CYSLTR2: variants seen among roughly 807,000 people sequenced by gnomAD.
The protein encoded by CYSLTR2 is G-protein coupled receptor GPCR21.
For missense variants in CYSLTR2, 398 were observed against 411.9 expected (o/e 0.97, Z 0.29); for synonymous variants, 179 against 160.8 (o/e 1.11, Z -0.86).
chr13:48,707,016 T>G lies in CYSLTR2; in HGVS notation c.199T>G (p.Tyr67Asp), dbSNP rs193077727. 1.1e-5 allele frequency: 18 copies of G among 1,614,026 alleles called. No homozygotes were observed. Among genetic ancestry groups the G allele is most frequent in the Non-Finnish European group, 1.4e-5 (17 of 1,180,048 alleles). ...GTCCATATATGTTTTCCTGCAGCCTTATAAGAAGTCCACATCTGTGAACGT... is the reference window on the plus strand; with the variant it reads ...GTCCATATATGTTTTCCTGCAGCCTGATAAGAAGTCCACATCTGTGAACGT... ...GLSIYVFLQP[Y>D]KKSTSVNVFM... is the part of the protein sequence containing the mutation. The change falls in exon 5 of 5, where the codon TAT (tyrosine) becomes GAT (aspartate). Residue 67 changes from tyrosine (Y) to aspartate (D), a missense_variant. By Grantham distance (160) the Tyr-to-Asp change is radical. Coordinates refer to ENST00000682523, the MANE Select transcript of CYSLTR2 (RefSeq NM_001308476.3).
In CYSLTR2 at chr13:48,707,426, T is replaced by A. The variant is rs761383064; in HGVS notation, c.609T>A (p.Tyr203Ter). Reference sequence around the variant, plus strand: ...TTGCTAAGCTGCAGACCATGAACTATATTGCCTTGGTGGTGGGCTGCCTGC... The same window carrying A: ...TTGCTAAGCTGCAGACCATGAACTAAATTGCCTTGGTGGTGGGCTGCCTGC... ...YKIAKLQTMNYIALVVGCLLP... is the reference protein window; with the variant it reads ...YKIAKLQTMN Residue 203 changes from tyrosine (Y) to a stop codon, truncating the protein, a stop_gained, in exon 5 of 5, where the codon TAT (tyrosine) becomes TAA (stop). Coordinates refer to ENST00000682523, the MANE Select transcript of CYSLTR2 (RefSeq NM_001308476.3). LOFTEE classifies it low-confidence loss of function (END_TRUNC). The A allele has an allele frequency of 3.7e-6, 6 of 1,614,182 alleles. No homozygotes were observed. The highest frequency in any genetic ancestry group is 5.1e-6 in the Non-Finnish European group (6 of 1,180,032).
At position 48,707,168 on chromosome 13, in the gene CYSLTR2, C is replaced by T. The variant is rs748206254; in HGVS notation, c.351C>T (p.Ser117=). ...GDLACRIMSY[S]LYVNMYSSIY... ...TGGCCTGCAGGATTATGTCTTATTC[C>T]TTGTATGTCAACATGTACAGCAGTA... Residue 117 remains serine, a synonymous_variant, in exon 5 of 5, where the codon TCC becomes TCT. Transcript: ENST00000682523. 5 of 1,614,148 alleles carry T rather than the reference C, an allele frequency of 3.1e-6. No homozygotes were observed. The highest frequency in any genetic ancestry group is 4.2e-6 in the Non-Finnish European group (5 of 1,180,034).
intron 1 of CYSLTR2, among the ~76,000 whole-genome samples, chr13:48,657,291 AGTT>A (rs1566077987): frequency 6.6e-6 from 1 of 152,190 alleles, no homozygotes; most frequent in East Asian, 1.9e-4. Context: ...AAAGAAATCT[AGTT>A]ATTATTCGAG....
At chr13:48,664,112 G>GTGA (rs771770474) in intron 1 of CYSLTR2, among the ~76,000 whole-genome samples, 4 of 151,958 alleles carry the variant, frequency 2.6e-5, no homozygotes, top group Non-Finnish European at 4.4e-5. Flanking sequence ...CTCTATTGAT[G>GTGA]TGATGTATGA....
chr13:48,703,602 A>G (rs1362596329), intron 4 of CYSLTR2, among the ~76,000 whole-genome samples: 1 of 152,154 alleles, frequency 6.6e-6, no homozygotes, highest in Non-Finnish European at 1.5e-5. Context: ...AATTCTTTTC[A>G]TATATTGCTA....
At chr13:48,664,928 T>C (rs1291950067) in intron 1 of CYSLTR2, among the ~76,000 whole-genome samples, 1 of 152,092 alleles carries the variant, frequency 6.6e-6, no homozygotes, top group Non-Finnish European at 1.5e-5. Flanking sequence ...TCTTTTTAAT[T>C]TCTAATGTAG....
Position 48,707,895 on chromosome 13 carries a change from GTCCATCTTCATTCAC to G in CYSLTR2, c.*40_*54del. The G allele has an allele frequency of 6.9e-7, 1 of 1,459,762 alleles. No homozygotes were observed. Among genetic ancestry groups the G allele is most frequent in the Non-Finnish European group, 9.1e-7 (1 of 1,094,118 alleles). 90.4% of individuals were successfully genotyped at this position (1,459,762 alleles called of 1,614,324 possible). ...ATGAGACCTGTTCTTGTATCCTTGTGTCCATCTTCATTCACTCATAGTCTCCAAATGACTTTGTAT... is the reference window on the plus strand; with the variant it reads ...ATGAGACCTGTTCTTGTATCCTTGTGTCATAGTCTCCAAATGACTTTGTAT... On this transcript the variant is annotated 3_prime_UTR_variant, in exon 5 of 5. Transcript: ENST00000682523.
At chr13:48,686,659 A>G (rs772738126) in intron 1 of CYSLTR2, among the ~76,000 whole-genome samples, 17 of 152,180 alleles carry the variant, frequency 1.1e-4, no homozygotes, top group Non-Finnish European at 2.2e-4. Flanking sequence ...TGCAGCAAGA[A>G]GTGGTTAGCA....
At chr13:48,654,208 C>A (rs1296587024) in intron 1 of CYSLTR2, among the ~76,000 whole-genome samples, 191 bp downstream of exon 1, 1 of 151,016 alleles carries the variant, frequency 6.6e-6, no homozygotes, top group African/African-American at 2.4e-5. Context: ...AAGCCAAATT[C>A]TCCACCAAAA....
intron 1 of CYSLTR2, among the ~76,000 whole-genome samples, chr13:48,668,529 C>T (rs1278022203): frequency 2.6e-5 from 4 of 152,054 alleles, no homozygotes; most frequent in Non-Finnish European, 5.9e-5. Flanking sequence ...ACATGCATTA[C>T]TATATTTGCT....
chr13:48,666,388 T>A (rs920166185), intron 1 of CYSLTR2, among the ~76,000 whole-genome samples: 1 of 152,156 alleles, frequency 6.6e-6, no homozygotes, highest in African/African-American at 2.4e-5. Context: ...AGGATCTTTT[T>A]GCATTGAATC....
At chr13:48,694,603 G>A (rs996277019) in intron 3 of CYSLTR2, 1 of 152,132 alleles carries the variant, frequency 6.6e-6, no homozygotes, top group Non-Finnish European at 1.5e-5. Flanking sequence ...CTGAGTCAAG[G>A]GTACTTGCTT....
At chr13:48,654,088 G>A (rs1371758934) in intron 1 of CYSLTR2, 71 bp downstream of exon 1, 4 of 152,154 alleles carry the variant, frequency 2.6e-5, no homozygotes, top group African/African-American at 9.7e-5. Flanking sequence ...ATAATAGTCA[G>A]AGGAGTAATT....
intron 1 of CYSLTR2, among the ~76,000 whole-genome samples, chr13:48,655,588 T>A (rs530530681): frequency 6.6e-6 from 1 of 152,190 alleles, no homozygotes; most frequent in Non-Finnish European, 1.5e-5. Flanking sequence ...ACCAACAGCA[T>A]GTTAATCTAA....
intron 1 of CYSLTR2, among the ~76,000 whole-genome samples, chr13:48,679,991 C>G (rs560719977): frequency 6.6e-6 from 1 of 150,732 alleles, no homozygotes; most frequent in African/African-American, 2.5e-5. Flanking sequence ...TACCAGTTTT[C>G]CCCCTCTGTC....
At chr13:48,678,052 G>A (rs1021271859) in intron 1 of CYSLTR2, among the ~76,000 whole-genome samples, 12 of 151,930 alleles carry the variant, frequency 7.9e-5, no homozygotes, top group African/African-American at 2.2e-4. Flanking sequence ...AAGGAATTGG[G>A]GTTTCATCCT....
intron 1 of CYSLTR2, among the ~76,000 whole-genome samples, chr13:48,679,634 A>T (rs1174223571): frequency 6.6e-6 from 1 of 152,188 alleles, no homozygotes; most frequent in Admixed American, 6.5e-5. Context: ...TTGTTTGAGG[A>T]CTAATTGAGT....
chr13:48,695,444 C>T (rs1229106645), intron 3 of CYSLTR2, among the ~76,000 whole-genome samples: 3 of 148,552 alleles, frequency 2.0e-5, no homozygotes, highest in African/African-American at 7.5e-5. Flanking sequence ...GGTCTCAGGT[C>T]TCACTATGTT....
Position 48,707,686 on chromosome 13 carries a change from C to A in CYSLTR2, c.869C>A (p.Thr290Lys). 6.2e-7 allele frequency: 1 copy of A among 1,614,034 alleles called. No homozygotes were observed. Among genetic ancestry groups the A allele is most frequent in the Non-Finnish European group, 8.5e-7 (1 of 1,179,918 alleles). ...AGACTGCATAAAGCTTTGGTTATCA[C>A]ACTGGCCTTGGCAGCAGCCAATGCC... ...KDRLHKALVI[T>K]LALAAANACF... The change falls in exon 5 of 5, where the codon ACA becomes AAA. Residue 290 changes from threonine (T) to lysine (K), a missense_variant. Coordinates refer to ENST00000682523, the MANE Select transcript of CYSLTR2 (RefSeq NM_001308476.3).
Sources: gnomAD v4.1 joint callset for allele counts (sites outside exome capture counted in the v4.1 genomes callset) on GRCh38, gnomAD v4.1.1 for gene constraint, MANE v1.5 for transcripts, NCBI Gene and HGNC (gene_info 2026-07-23, HGNC 2026-07-21) for gene names.